CTNND2: variants seen among roughly 807,000 people sequenced by gnomAD.
CTNND2 encodes catenin delta 2, also known as catenin delta-2.
CTNND2 carries 22 observed loss-of-function variants against 144.4 expected under a neutral mutation model. That is an observed-to-expected ratio of 0.15 (90% CI 0.11 to 0.22). The LOEUF (loss-of-function observed/expected upper bound fraction) is 0.22. CTNND2 is among the 10% of genes least tolerant of loss of function. The probability of loss-of-function intolerance (pLI) is 1.00; values close to 1 mark genes in which losing one functional copy is unlikely to be tolerated. For synonymous variants in CTNND2, 751 were observed against 695.6 expected (o/e 1.08, Z -1.25); for missense variants, 1,353 against 1,618.8 (o/e 0.84, Z 2.82).
chr5:11,127,593 C>T (rs1290058606), intron 12 of CTNND2, among the ~76,000 whole-genome samples: 1 of 152,206 alleles, frequency 6.6e-6, no homozygotes. Context: ...ATTGGCTGGG[C>T]TGGGTTTCCA....
intron 3 of CTNND2, among the ~76,000 whole-genome samples, chr5:11,549,179 T>C (rs1035077696): frequency 2.6e-5 from 4 of 152,196 alleles, no homozygotes; most frequent in Non-Finnish European, 4.4e-5. Flanking sequence ...GGTCTTGCTA[T>C]CATCCCTGCT....
chr5:11,415,424 C>T (rs1365669808), intron 3 of CTNND2, among the ~76,000 whole-genome samples: 2 of 152,038 alleles, frequency 1.3e-5, no homozygotes, highest in Non-Finnish European at 2.9e-5. Flanking sequence ...GGCAACATAG[C>T]AAGACCTCAT....
intron 2 of CTNND2, among the ~76,000 whole-genome samples, chr5:11,662,277 A>ATATGTGTGTGTGTG (rs1783308485): frequency 8.8e-6 from 1 of 114,068 alleles, no homozygotes; most frequent in Non-Finnish European, 1.8e-5. Flanking sequence ...GTGTGTGTAT[A>ATATGTGTGTGTGTG]TATATATATA....
chr5:11,561,885 T>C (rs1435968959), intron 3 of CTNND2, among the ~76,000 whole-genome samples: 3 of 151,992 alleles, frequency 2.0e-5, no homozygotes, highest in East Asian at 1.9e-4. Context: ...CTACCTAAAA[T>C]ATTTTTAAAA....
intron 2 of CTNND2, among the ~76,000 whole-genome samples, chr5:11,621,207 T>A (rs752302845): frequency 6.6e-6 from 1 of 152,192 alleles, no homozygotes; most frequent in African/African-American, 2.4e-5. Flanking sequence ...GACTACCACA[T>A]TTATACTTCT....
At chr5:11,732,621 T>C (rs61763023) in intron 1 of CTNND2, among the ~76,000 whole-genome samples, 6,624 of 152,274 alleles carry the variant, frequency 0.044, 185 homozygotes, top group Non-Finnish European at 0.065. Flanking sequence ...AGTCCAACTA[T>C]AAATTTATGA....
At chr5:11,334,914 A>T (rs1037579375) in intron 9 of CTNND2, among the ~76,000 whole-genome samples, 2 of 152,252 alleles carry the variant, frequency 1.3e-5, no homozygotes, top group African/African-American at 4.8e-5. Context: ...GAAAAGGTAC[A>T]ATAATGAAAA....
intron 1 of CTNND2, among the ~76,000 whole-genome samples, chr5:11,896,148 T>C (rs1737377982): frequency 6.6e-6 from 1 of 152,150 alleles, no homozygotes; most frequent in African/African-American, 2.4e-5. Context: ...GCATTAAATA[T>C]AACTACCAAA....
chr5:11,153,411 C>T (rs1224813743), intron 12 of CTNND2, among the ~76,000 whole-genome samples: 1 of 152,158 alleles, frequency 6.6e-6, no homozygotes, highest in Non-Finnish European at 1.5e-5. Context: ...ATAATATTGG[C>T]AGACAACTGA....
At chr5:11,523,018 G>T (rs144412398) in intron 3 of CTNND2, among the ~76,000 whole-genome samples, 2 of 152,278 alleles carry the variant, frequency 1.3e-5, no homozygotes, top group Non-Finnish European at 2.9e-5. Context: ...ATTTGGCATG[G>T]TTGGATGCGA....
chr5:11,334,814 GC>G, intron 9 of CTNND2, among the ~76,000 whole-genome samples: 1 of 152,096 alleles, frequency 6.6e-6, no homozygotes. Context: ...CTCTAAAGAG[GC>G]CCCCAAACTA....
At chr5:11,330,553 G>T (rs1362080604) in intron 9 of CTNND2, among the ~76,000 whole-genome samples, 2 of 151,082 alleles carry the variant, frequency 1.3e-5, no homozygotes, top group East Asian at 3.9e-4. Context: ...GGGTGTGGTG[G>T]CTCATGCCTG....
chr5:11,028,053 T>C (rs1339728799), intron 16 of CTNND2, among the ~76,000 whole-genome samples: 10 of 152,262 alleles, frequency 6.6e-5, no homozygotes, highest in African/African-American at 1.2e-4. Context: ...CTGCATTCTC[T>C]AAGGCAGCAG....
intron 1 of CTNND2, among the ~76,000 whole-genome samples, chr5:11,758,394 G>A (rs899857467): frequency 6.6e-6 from 1 of 151,840 alleles, no homozygotes; most frequent in Admixed American, 6.6e-5. Flanking sequence ...ATTAAAATAT[G>A]CAATGCAGTT....
In CTNND2 at chr5:11,903,857, C is replaced by A; in HGVS notation, c.-4G>T. On this transcript the variant is annotated 5_prime_UTR_variant, in exon 1 of 22. Coordinates refer to ENST00000304623, the MANE Select transcript of CTNND2 (RefSeq NM_001332.4). This position sits in a 1 kb window ranked among gnomAD's most constrained non-coding sequence, Gnocchi z 5.4. ...CCGGCGGCTTCCTCGCAAACATGCA[C>A]CCTCCGCCGGCGACAGCTCCTCAGT... 6.8e-7 allele frequency: 1 copy of A among 1,481,154 alleles called. No individual in the cohort carries two copies. 91.8% of individuals were successfully genotyped at this position (1,481,154 alleles called of 1,614,324 possible).
intron 11 of CTNND2, among the ~76,000 whole-genome samples, chr5:11,188,839 A>G (rs1025077798): frequency 4.6e-5 from 7 of 152,176 alleles, no homozygotes; most frequent in African/African-American, 1.7e-4. Flanking sequence ...ATGGGAGACA[A>G]AACTTCCTCT....
intron 9 of CTNND2, among the ~76,000 whole-genome samples, chr5:11,295,998 T>G (rs1436421397): frequency 6.6e-6 from 1 of 151,078 alleles, no homozygotes; most frequent in Non-Finnish European, 1.5e-5. Context: ...CTAATTAAAC[T>G]AAAGAGCTTC....
In CTNND2 at chr5:11,636,629, GT is replaced by G. The variant is rs1249008225; in HGVS notation, c.175-71574del. Among the ~76,000 whole-genome samples, 8 of 152,196 alleles carry G rather than the reference GT, an allele frequency of 5.3e-5. No individual in the cohort carries two copies. In the South Asian group the frequency reaches 1.5e-3, roughly 28 times the overall value. On this transcript the variant is annotated intron_variant, in intron 2 of 21. Transcript: ENST00000304623. Reference sequence around the variant, plus strand: ...TGGCAAGTTAACTCTGACTGAAAAAGTTTTTTTCAGGTATTGCTGTTAATCA... The same window carrying G: ...TGGCAAGTTAACTCTGACTGAAAAAGTTTTTTCAGGTATTGCTGTTAATCA...
At chr5:11,161,034 G>A (rs1194014110) in intron 11 of CTNND2, among the ~76,000 whole-genome samples, 1 of 152,198 alleles carries the variant, frequency 6.6e-6, no homozygotes, top group East Asian at 1.9e-4. Flanking sequence ...TGAAGTGAAT[G>A]CAAAGGAAAC....
Sources: gnomAD v4.1 joint callset for allele counts (sites outside exome capture counted in the v4.1 genomes callset) on GRCh38, gnomAD v4.1.1 for gene constraint, Gnocchi (gnomAD v3.1) non-coding constraint, MANE v1.5 for transcripts, NCBI Gene and HGNC (gene_info 2026-07-23, HGNC 2026-07-21) for gene names.